U2SURP: variants seen among roughly 807,000 people sequenced by gnomAD.
The protein encoded by U2SURP is U2 snRNP associated SURP domain containing.
In U2SURP, 9 loss-of-function variants were observed where a neutral mutation model predicts 144.9. That is an observed-to-expected ratio of 0.06 (90% CI 0.04 to 0.11). U2SURP has a LOEUF of 0.11. Ranked by LOEUF, U2SURP falls within the 10% of genes least tolerant of loss-of-function variation. The probability of loss-of-function intolerance (pLI) is 1.00; values close to 1 mark genes in which losing one functional copy is unlikely to be tolerated. For synonymous variants in U2SURP, 408 were observed against 396.8 expected, an observed-to-expected ratio of 1.03 and a Z score of -0.33; for missense variants, 724 against 1,226.7, an observed-to-expected ratio of 0.59 and a Z score of 6.12.
At position 143,030,873 on chromosome 3, in the gene U2SURP, C is replaced by G. The variant is rs112002459; in HGVS notation, c.1611-1911C>G. Among the ~76,000 whole-genome samples the G allele has an allele frequency of 1.7e-3, 262 of 152,158 alleles. 1 individual carries two copies. The highest frequency in any genetic ancestry group is 6.1e-3 in the African/African-American group (252 of 41,510). ...CCAGCCTGAGCAATATAGTGAGACC[C>G]CATTTCTATTAAAAAGAAATTTAAA... is the stretch of plus-strand genomic sequence containing the variant. On this transcript the variant is annotated intron_variant, in intron 16 of 27. Coordinates refer to ENST00000473835, the MANE Select transcript of U2SURP (RefSeq NM_001080415.2).
intron 1 of U2SURP, among the ~76,000 whole-genome samples, chr3:143,006,297 T>G (rs998354803): frequency 6.6e-6 from 1 of 152,246 alleles, no homozygotes; most frequent in Non-Finnish European, 1.5e-5. Flanking sequence ...GGTATTAAGC[T>G]AGGTAGCTGT....
intron 20 of U2SURP, 21 bp from the exon 21 acceptor site, chr3:143,037,158 T>C (rs778030952): frequency 1.3e-5 from 21 of 1,603,988 alleles, no homozygotes; most frequent in Non-Finnish European, 1.7e-5. Flanking sequence ...GAAAATGTTA[T>C]AATAGTACAC....
intron 16 of U2SURP, among the ~76,000 whole-genome samples, chr3:143,032,530 G>A (rs3821645): frequency 2.0e-5 from 3 of 152,118 alleles, no homozygotes; most frequent in Admixed American, 6.5e-5. Flanking sequence ...GAAGAAATGC[G>A]TATGATTTTA....
chr3:143,035,855 C>A, intron 19 of U2SURP, 127 bp from the exon 20 acceptor site: 1 of 972,890 alleles, frequency 1.0e-6, no homozygotes, highest in Non-Finnish European at 1.4e-6. Flanking sequence ...TAGTTATTTT[C>A]TTTAAAGTTT....
chr3:143,013,321 T>A (rs979724369), intron 3 of U2SURP, among the ~76,000 whole-genome samples: 2 of 152,080 alleles, frequency 1.3e-5, no homozygotes, highest in Non-Finnish European at 1.5e-5. Context: ...TTTGAGAAAA[T>A]TTATTTTGAA....
rs552080403 is a variant in U2SURP, at chr3:143,038,882, C to T, written c.2318-12C>T. ...CCTCGTGGAATTACATCCTCCTTTTCCTTTCATTCAGCTGTTACAACTTCT... is the reference window on the plus strand; with the variant it reads ...CCTCGTGGAATTACATCCTCCTTTTTCTTTCATTCAGCTGTTACAACTTCT... On this transcript the variant is annotated splice_polypyrimidine_tract_variant and intron_variant, in intron 22 of 27. Coordinates refer to ENST00000473835, the MANE Select transcript of U2SURP (RefSeq NM_001080415.2). 12 of 1,534,174 alleles carry T rather than the reference C, an allele frequency of 7.8e-6. No individual in the cohort carries two copies. In the East Asian group the frequency reaches 9.7e-5, roughly 12 times the overall value.
At chr3:143,034,654 C>CGTAAA (rs976843942) in intron 18 of U2SURP, 1 of 328,096 alleles carries the variant, frequency 3.0e-6, no homozygotes, top group Non-Finnish European at 5.6e-6. Flanking sequence ...GTTTCTTGCT[C>CGTAAA]GTAAAGGGAA....
At chr3:143,055,723 C>T (rs1935117120) in intron 27 of U2SURP, among the ~76,000 whole-genome samples, 1 of 152,062 alleles carries the variant, frequency 6.6e-6, no homozygotes, top group Non-Finnish European at 1.5e-5. Flanking sequence ...ATACCTTTCT[C>T]CTTTTCTAAA....
chr3:143,031,990 A>G (rs1933526422), intron 16 of U2SURP, among the ~76,000 whole-genome samples: 2 of 152,012 alleles, frequency 1.3e-5, no homozygotes. Flanking sequence ...TCCCTTCCCT[A>G]CATGTTGTCT....
In U2SURP at chr3:143,056,583, T is replaced by A. The variant is rs1459768458; in HGVS notation, c.*133T>A. 3 of 994,148 alleles carry A rather than the reference T, an allele frequency of 3.0e-6. No homozygotes were observed. The highest frequency in any genetic ancestry group is 2.8e-5 in the Admixed American group (1 of 35,088). 61.6% of individuals were successfully genotyped at this position (994,148 alleles called of 1,614,324 possible). ...TTTTTTGTTTGTTTGTGTATGCATGTGTAAACTCATGAGCAACTGCATCTG... is the reference window on the plus strand; with the variant it reads ...TTTTTTGTTTGTTTGTGTATGCATGAGTAAACTCATGAGCAACTGCATCTG... On this transcript the variant is annotated 3_prime_UTR_variant, in exon 28 of 28. Coordinates refer to ENST00000473835, the MANE Select transcript of U2SURP (RefSeq NM_001080415.2).
chr3:143,035,747 A>G (rs1245966831), intron 19 of U2SURP, among the ~76,000 whole-genome samples: 1 of 152,062 alleles, frequency 6.6e-6, no homozygotes, highest in Non-Finnish European at 1.5e-5. Context: ...AAGAGCAAAT[A>G]GTTACTGTTT....
chr3:143,053,537 T>TA, intron 25 of U2SURP, 139 bp from the exon 26 acceptor site: 3 of 573,168 alleles, frequency 5.2e-6, no homozygotes, highest in Non-Finnish European at 8.2e-6. Context: ...AGGGGTAGAT[T>TA]TTTTTTTTTT....
intron 24 of U2SURP, among the ~76,000 whole-genome samples, chr3:143,047,118 C>T (rs1213154458): frequency 5.0e-5 from 5 of 100,752 alleles, no homozygotes; most frequent in Middle Eastern, 5.8e-3. Context: ...CCAGTAGGGG[C>T]GGCCGGGCAG....
At chr3:143,045,366 C>CAAAAAAAA (rs11356372) in intron 24 of U2SURP, among the ~76,000 whole-genome samples, 1 of 75,424 alleles carries the variant, frequency 1.3e-5, no homozygotes, top group Non-Finnish European at 2.5e-5. Context: ...GAGACGCCGT[C>CAAAAAAAA]AAAAAAAAAA....
At chr3:143,014,461 G>T (rs1936262607) in intron 4 of U2SURP, 52 bp downstream of exon 4, 5 of 1,261,740 alleles carry the variant, frequency 4.0e-6, no homozygotes, top group Middle Eastern at 1.9e-4. Context: ...TGTGTCTAAG[G>T]GGTTAGTAAG....
intron 1 of U2SURP, among the ~76,000 whole-genome samples, chr3:143,002,985 C>G (rs1935617075): frequency 6.6e-6 from 1 of 152,098 alleles, no homozygotes; most frequent in African/African-American, 2.4e-5. Context: ...AAGAACATAC[C>G]GTTAGGGAGC....
rs967336336 is a variant in U2SURP at position 143,004,367 on chromosome 3, T to G, written c.45+2694T>G. On this transcript the variant is annotated intron_variant, in intron 1 of 27. Transcript: ENST00000473835. ...CTAGTTGGGGTGTTTTTTTTTTTTT[T>G]TTTTTTTTTTTTTTGAGAGGGAGTC... 6.6e-4 allele frequency among the ~76,000 whole-genome samples: 94 copies of G among 142,090 alleles called. 1 individual carries two copies. The highest frequency in any genetic ancestry group is 3.5e-3 in the Middle Eastern group (1 of 284). The allele number at this position is 142,090 out of a possible 152,430, so 93.2% of individuals were successfully genotyped here.
intron 1 of U2SURP, among the ~76,000 whole-genome samples, chr3:143,007,083 A>T (rs961858735): frequency 6.6e-6 from 1 of 152,206 alleles, no homozygotes; most frequent in Non-Finnish European, 1.5e-5. Context: ...GGCAACAGGT[A>T]GTGTAGTTGG....
At chr3:143,009,777 A>G (rs938320074) in intron 1 of U2SURP, among the ~76,000 whole-genome samples, 1 of 152,162 alleles carries the variant, frequency 6.6e-6, no homozygotes, top group Non-Finnish European at 1.5e-5. Flanking sequence ...GGACAATGTA[A>G]ATAAAACAAT....
Sources: gnomAD v4.1 joint callset for allele counts (sites outside exome capture counted in the v4.1 genomes callset) on GRCh38, gnomAD v4.1.1 for gene constraint, MANE v1.5 for transcripts, NCBI Gene and HGNC (gene_info 2026-07-23, HGNC 2026-07-21) for gene names.